The following ATP10B variants were observed in gnomAD, a reference collection of about 807,000 sequenced individuals.
ATP10B encodes phospholipid-transporting ATPase VB.
Under a neutral mutation model 141.2 loss-of-function variants are expected in ATP10B, and 122 were observed. The ratio of observed to expected loss-of-function variants is 0.86; its 90% CI spans 0.75 to 1.00. The LOEUF is 1.00. ATP10B is among the 50% of genes least tolerant of loss of function. The pLI is 0.00. For missense variants in ATP10B, 1,876 were observed against 1,825.3 expected (o/e 1.03, Z -0.51); for synonymous variants, 685 against 692.0 (o/e 0.99, Z 0.16).
intron 2 of ATP10B, among the ~76,000 whole-genome samples, chr5:160,767,281 G>A (rs1342663119): frequency 6.6e-6 from 1 of 152,128 alleles, no homozygotes; most frequent in Non-Finnish European, 1.5e-5. Context: ...AGCAATCAGA[G>A]GAAGTCACGC....
In ATP10B at chr5:160,795,571, A is replaced by T. The variant is rs201012606; in HGVS notation, c.-575-9768T>A. On this transcript the variant is annotated intron_variant, in intron 1 of 25. Transcript: ENST00000327245. ...ATGTGCCAATCTTTGGAACCTATGA[A>T]TTTTTTTTTTTTAATTTGGGAAAAG... 3.1e-3 allele frequency among the ~76,000 whole-genome samples: 464 copies of T among 148,700 alleles called. 2 individuals carry two copies. The highest frequency in any genetic ancestry group is 9.9e-3 in the African/African-American group (403 of 40,634).
intron 16 of ATP10B, 41 bp downstream of exon 16, chr5:160,617,823 T>C (rs1230682153): frequency 1.3e-6 from 2 of 1,508,646 alleles, no homozygotes; most frequent in African/African-American, 1.4e-5. Flanking sequence ...CATTCAGCTA[T>C]TTAATGATAT....
chr5:160,795,845 G>A (rs1294598316), intron 1 of ATP10B, among the ~76,000 whole-genome samples: 1 of 152,100 alleles, frequency 6.6e-6, no homozygotes, highest in Non-Finnish European at 1.5e-5. Flanking sequence ...AGCCCCCAGA[G>A]GAAGCATGGC....
intron 6 of ATP10B, chr5:160,684,962 G>T (rs764415128): frequency 5.7e-6 from 4 of 703,206 alleles, no homozygotes; most frequent in East Asian, 2.7e-5. Flanking sequence ...CTCACCTCAG[G>T]CTGGAAAGCA....
chr5:160,637,216 C>T (rs1334311912), intron 10 of ATP10B, among the ~76,000 whole-genome samples: 3 of 151,636 alleles, frequency 2.0e-5, no homozygotes, highest in African/African-American at 7.3e-5. Context: ...ATTCATCCAT[C>T]TACCCACCCA....
At chr5:160,603,117 A>G (rs898743203) in intron 20 of ATP10B, 6 of 170,366 alleles carry the variant, frequency 3.5e-5, no homozygotes, top group African/African-American at 1.4e-4. Flanking sequence ...AGATGGAGCT[A>G]AGTGACAGCT....
intron 2 of ATP10B, among the ~76,000 whole-genome samples, chr5:160,776,817 TTC>T (rs1297464620): frequency 1.3e-5 from 2 of 152,342 alleles, no homozygotes; most frequent in Non-Finnish European, 2.9e-5. Context: ...AGGCTGAGAT[TTC>T]TCTGTGTGTT....
At chr5:160,567,330 T>C in intron 25 of ATP10B, among the ~76,000 whole-genome samples, 1 of 152,206 alleles carries the variant, frequency 6.6e-6, no homozygotes, top group East Asian at 1.9e-4. Context: ...AAATATTTCT[T>C]CCTCAAGGAA....
At position 160,644,191 on chromosome 5, in the gene ATP10B, C is replaced by T. The variant is rs773694588; in HGVS notation, c.815G>A (p.Arg272Gln). The T allele has an allele frequency of 1.3e-5, 21 of 1,613,672 alleles. No individual in the cohort carries two copies. The highest frequency in any genetic ancestry group is 1.7e-4 in the Middle Eastern group (1 of 6,058). ...CTCGGTGTTTCTGATGGTGCAGCCT[C>T]GAAGCAGAAGACTCTCACAGCCAAA... is the stretch of plus-strand genomic sequence containing the variant. ...TGFGCESLLL[R>Q]GCTIRNTEMA... Residue 272 changes from arginine (R) to glutamine (Q), a missense_variant, in exon 9 of 26, where the codon CGA (arginine) becomes CAA (glutamine). Arg to Gln is a conservative substitution (Grantham distance 43). Coordinates refer to ENST00000327245, the MANE Select transcript of ATP10B (RefSeq NM_025153.3).
At position 160,617,928 on chromosome 5, in the gene ATP10B, C is replaced by T. The variant is rs767144622; in HGVS notation, c.2462G>A (p.Arg821Gln). 21 of 1,614,068 alleles carry T rather than the reference C, an allele frequency of 1.3e-5. No individual in the cohort carries two copies. Among genetic ancestry groups the T allele is most frequent in the Middle Eastern group, 1.6e-4 (1 of 6,084 alleles). ...MEKKLRKIRA[R>Q]TQKHLDLYAR... ...ATACAAGTCTAGATGCTTTTGGGTC[C>T]GGGCTCGGATTTTTCTCAGCTTCTT... The change falls in exon 16 of 26, where the codon CGG (arginine) becomes CAG (glutamine). Residue 821 changes from arginine (R) to glutamine (Q), a missense_variant. Coordinates refer to ENST00000327245, the MANE Select transcript of ATP10B (RefSeq NM_025153.3).
chr5:160,872,386 C>T, the ATP10B span, among the ~76,000 whole-genome samples: 1 of 152,140 alleles, frequency 6.6e-6, no homozygotes, highest in Non-Finnish European at 1.5e-5. Flanking sequence ...GTTTAATTAA[C>T]TCCCAGCTAC....
the ATP10B span, among the ~76,000 whole-genome samples, chr5:160,859,043 T>C: frequency 6.6e-6 from 1 of 151,958 alleles, no homozygotes; most frequent in African/African-American, 2.4e-5. Flanking sequence ...CCAAGATTAC[T>C]TATTTTGTCT....
In ATP10B at chr5:160,670,647, T is replaced by C; in HGVS notation, c.491A>G (p.Gln164Arg). Residue 164 changes from glutamine (Q) to arginine (R), a missense_variant, in exon 7 of 26, where the codon CAG (glutamine) becomes CGG (arginine). By Grantham distance (43) the Gln-to-Arg change is conservative (BLOSUM62 1). Transcript: ENST00000327245. Reference sequence around the variant, plus strand: ...CACGCGCACATCCTTCCAGCACTTCTGCACATAGGTCTGCTCTTTTCTTGG... The same window carrying C: ...CACGCGCACATCCTTCCAGCACTTCCGCACATAGGTCTGCTCTTTTCTTGG... The part of the protein sequence containing the change: ...IYERKEQTYV[Q>R]KCWKDVRVGD... 6.2e-7 allele frequency: 1 copy of C among 1,613,666 alleles called. No individual in the cohort carries two copies. The highest frequency in any genetic ancestry group is 1.7e-4 in the Middle Eastern group (1 of 5,878).
At chr5:160,881,774 G>A in the ATP10B span, among the ~76,000 whole-genome samples, 2 of 152,188 alleles carry the variant, frequency 1.3e-5, no homozygotes, top group African/African-American at 4.8e-5. Context: ...TGGCGCCACT[G>A]CACTCCAGCC....
rs1028151803 is a variant in ATP10B at position 160,796,828 on chromosome 5, G to A, written c.-575-11025C>T. ...TGGAGGACAAGAAGGGAATCCAGAG[G>A]AGGGGGAGGAAAGGGAGAAAAGGTG... On this transcript the variant is annotated intron_variant, in intron 1 of 25. Transcript: ENST00000327245. 2.0e-5 allele frequency among the ~76,000 whole-genome samples: 3 copies of A among 152,266 alleles called. No individual in the cohort carries two copies. The South Asian group carries it at 6.2e-4, about 32-fold the overall frequency.
intron 7 of ATP10B, among the ~76,000 whole-genome samples, chr5:160,649,714 T>A (rs145737500): frequency 1.5e-3 from 232 of 152,330 alleles, no homozygotes; most frequent in Non-Finnish European, 2.6e-3. Flanking sequence ...GGTTATCACA[T>A]TCGATACCAC....
chr5:160,638,322 A>T (rs1229906912), intron 10 of ATP10B, among the ~76,000 whole-genome samples: 1 of 152,056 alleles, frequency 6.6e-6, no homozygotes, highest in Non-Finnish European at 1.5e-5. Context: ...TTGTCCTGTG[A>T]CCTTTTAATC....
chr5:160,583,617 G>A (rs1448615371), intron 24 of ATP10B, among the ~76,000 whole-genome samples: 1 of 152,222 alleles, frequency 6.6e-6, no homozygotes, highest in Non-Finnish European at 1.5e-5. Flanking sequence ...GTCTGCTGAA[G>A]CTGTGCCTAC....
chr5:160,857,196 T>G (rs921078042), upstream of ATP10B, among the ~76,000 whole-genome samples: 6 of 151,828 alleles, frequency 4.0e-5, no homozygotes, highest in South Asian at 2.1e-4. Context: ...TGGAAATGTC[T>G]TTTTTGGAAG....
Sources: gnomAD v4.1 joint callset for allele counts (sites outside exome capture counted in the v4.1 genomes callset) on GRCh38, gnomAD v4.1.1 for gene constraint, MANE v1.5 for transcripts, NCBI Gene and HGNC (gene_info 2026-07-23, HGNC 2026-07-21) for gene names.